The following PCDH15 variants were observed in gnomAD, a reference collection of about 807,000 sequenced individuals.
PCDH15 encodes the protein protocadherin-15.
A neutral mutation model predicts 178.5 loss-of-function variants in PCDH15; 129 were observed. The ratio of observed to expected loss-of-function variants is 0.72; its 90% CI spans 0.63 to 0.84. The LOEUF (loss-of-function observed/expected upper bound fraction) is 0.84. Ranked by LOEUF, PCDH15 falls within the 40% of genes least tolerant of loss-of-function variation. PCDH15 has a pLI of 0.00. For synonymous variants in PCDH15, 800 were observed against 732.0 expected (o/e 1.09, Z -1.50); for missense variants, 2,230 against 2,099.9 (o/e 1.06, Z -1.21).
At chr10:54,999,033 A>T (rs889393820) in intron 2 of PCDH15, among the ~76,000 whole-genome samples, 2 of 151,414 alleles carry the variant, frequency 1.3e-5, no homozygotes, top group Admixed American at 6.6e-5. Context: ...TTTTATGTAT[A>T]TATGTATATA....
intron 1 of PCDH15, among the ~76,000 whole-genome samples, chr10:55,318,641 T>C (rs1036941466): frequency 6.6e-6 from 1 of 152,078 alleles, no homozygotes; most frequent in African/African-American, 2.4e-5. Flanking sequence ...AGTTAGAAGA[T>C]GTAAATTATG....
intron 37 of PCDH15, among the ~76,000 whole-genome samples, chr10:53,807,398 C>G (rs1269408887): frequency 6.6e-6 from 1 of 152,016 alleles, no homozygotes; most frequent in Non-Finnish European, 1.5e-5. Context: ...TCTTTTAGAT[C>G]AAATTACTGA....
At chr10:54,615,714 T>A (rs1276140281) in intron 2 of PCDH15, among the ~76,000 whole-genome samples, 1 of 151,862 alleles carries the variant, frequency 6.6e-6, no homozygotes, top group Non-Finnish European at 1.5e-5. Flanking sequence ...AATAACAACG[T>A]GTGAAGCATT....
At chr10:55,073,487 A>T (rs1018911959) in intron 2 of PCDH15, among the ~76,000 whole-genome samples, 19 of 152,070 alleles carry the variant, frequency 1.2e-4, no homozygotes, top group African/African-American at 2.9e-4. Flanking sequence ...TCATGAGTGA[A>T]CTCCCATTCA....
At chr10:54,479,093 C>A (rs1017310794) in intron 3 of PCDH15, among the ~76,000 whole-genome samples, 1 of 151,080 alleles carries the variant, frequency 6.6e-6, no homozygotes, top group African/African-American at 2.4e-5. Flanking sequence ...TATGGTAATA[C>A]GTTTTGAAAA....
Position 54,205,633 on chromosome 10 carries a change from C to T in PCDH15, c.1098+8303G>A, listed in dbSNP as rs116390128. Reference sequence around the variant, plus strand: ...CCATTAAAAGTAATGGCAAACACCACAATTATGTTTGCATCATCCTAATAA... The same window carrying T: ...CCATTAAAAGTAATGGCAAACACCATAATTATGTTTGCATCATCCTAATAA... On this transcript the variant is annotated intron_variant, in intron 10 of 37. Coordinates refer to ENST00000644397, the MANE Select transcript of PCDH15 (RefSeq NM_001384140.1). Among the ~76,000 whole-genome samples, 515 of 151,892 alleles carry T rather than the reference C, an allele frequency of 3.4e-3. 2 individuals are homozygous for T. Among genetic ancestry groups the T allele is most frequent in the Middle Eastern group, 0.02 (6 of 294 alleles).
At chr10:55,064,392 C>T (rs147324021) in intron 2 of PCDH15, among the ~76,000 whole-genome samples, 21 of 152,224 alleles carry the variant, frequency 1.4e-4, no homozygotes, top group African/African-American at 4.8e-4. Flanking sequence ...TTCCTTTCAG[C>T]CATGGTAGTG....
chr10:54,386,477 TTTA>T (rs1287149622), intron 3 of PCDH15, among the ~76,000 whole-genome samples: 1 of 152,010 alleles, frequency 6.6e-6, no homozygotes, highest in Non-Finnish European at 1.5e-5. Flanking sequence ...TTGAATATGT[TTTA>T]TTATTTATAC....
intron 3 of PCDH15, among the ~76,000 whole-genome samples, chr10:54,849,498 T>G (rs1953575295): frequency 6.6e-6 from 1 of 152,216 alleles, no homozygotes; most frequent in Non-Finnish European, 1.5e-5. Flanking sequence ...ATCTCCAGGT[T>G]GTTCTGCCCT....
At chr10:55,405,813 T>A (rs932756076) in intron 2 of PCDH15, among the ~76,000 whole-genome samples, 1 of 151,930 alleles carries the variant, frequency 6.6e-6, no homozygotes, top group African/African-American at 2.4e-5. Context: ...CTAGTAGTGG[T>A]ACACAGACAA....
chr10:53,990,605 T>C lies in PCDH15; in HGVS notation c.2868+5044A>G, dbSNP rs190132661. On this transcript the variant is annotated intron_variant, in intron 21 of 37. Transcript: ENST00000644397. ...TATATATATATGTTATATACATATA[T>C]ATAAAAGAAAGTTGGTCAAAATTGT... 4.6e-3 allele frequency among the ~76,000 whole-genome samples: 688 copies of C among 150,824 alleles called. 8 individuals are homozygous for C. The highest frequency in any genetic ancestry group is 0.016 in the African/African-American group (657 of 41,174).
intron 6 of PCDH15, among the ~76,000 whole-genome samples, chr10:54,344,036 T>C (rs994135525): frequency 6.6e-6 from 1 of 152,110 alleles, no homozygotes; most frequent in African/African-American, 2.4e-5. Flanking sequence ...TAGCAGAACA[T>C]AAAATTTATC....
chr10:54,353,547 T>G (rs1163427445), intron 5 of PCDH15, among the ~76,000 whole-genome samples: 1 of 152,106 alleles, frequency 6.6e-6, no homozygotes, highest in African/African-American at 2.4e-5. Context: ...TCTTGTCAGA[T>G]GCAGCTGCTT....
intron 2 of PCDH15, among the ~76,000 whole-genome samples, chr10:55,524,882 A>G (rs1242234254): frequency 6.6e-6 from 1 of 151,828 alleles, no homozygotes; most frequent in Non-Finnish European, 1.5e-5. Flanking sequence ...AACTTGCATG[A>G]AAACATTTTC....
At chr10:55,117,998 C>A (rs1837669356) in intron 2 of PCDH15, among the ~76,000 whole-genome samples, 1 of 152,030 alleles carries the variant, frequency 6.6e-6, no homozygotes, top group South Asian at 2.1e-4. Context: ...AGTCCATTTG[C>A]TTGAGAGAAA....
chr10:55,476,765 G>A lies in PCDH15; in HGVS notation c.-156+150860C>T, dbSNP rs184710149. Among the ~76,000 whole-genome samples the A allele has an allele frequency of 6.6e-5, 10 of 152,034 alleles. No homozygotes were observed. The East Asian group carries it at 1.9e-3, about 29-fold the overall frequency. On this transcript the variant is annotated intron_variant, in intron 2 of 5. Coordinates refer to the PCDH15 transcript ENST00000613346. ...ATCAAACCAATGTTAAAATCTGTAGGATTTTCCTTCCAAGCACTCTTGCAT... is the reference window on the plus strand; with the variant it reads ...ATCAAACCAATGTTAAAATCTGTAGAATTTTCCTTCCAAGCACTCTTGCAT...
intron 2 of PCDH15, among the ~76,000 whole-genome samples, chr10:54,621,066 A>C (rs1024245896): frequency 2.6e-5 from 4 of 151,944 alleles, no homozygotes; most frequent in African/African-American, 9.7e-5. Context: ...GGTGGAGAAA[A>C]TTATTTTTCA....
chr10:54,955,608 A>T (rs747780189), intron 2 of PCDH15, among the ~76,000 whole-genome samples: 6 of 151,558 alleles, frequency 4.0e-5, no homozygotes, highest in Non-Finnish European at 7.4e-5. Flanking sequence ...AATAAGTACT[A>T]ATATTCATAA....
intron 2 of PCDH15, among the ~76,000 whole-genome samples, chr10:55,494,762 C>T (rs1489069933): frequency 1.3e-5 from 2 of 151,718 alleles, no homozygotes; most frequent in South Asian, 2.1e-4. Flanking sequence ...ATATATGTAG[C>T]ATAAACTTTT....
Sources: gnomAD v4.1 joint callset for allele counts (sites outside exome capture counted in the v4.1 genomes callset) on GRCh38, gnomAD v4.1.1 for gene constraint, MANE v1.5 for transcripts, NCBI Gene and HGNC (gene_info 2026-07-23, HGNC 2026-07-21) for gene names.